SLAMF6: variants seen among roughly 807,000 people sequenced by gnomAD.
SLAMF6 encodes the protein SLAM family member 6.
SLAMF6 carries 21 observed loss-of-function variants against 38.3 expected under a neutral mutation model. That is an observed-to-expected ratio of 0.55 (90% CI 0.39 to 0.79). The LOEUF (loss-of-function observed/expected upper bound fraction) is 0.79, where lower values mean the gene tolerates loss of function less well. Ranked by LOEUF, SLAMF6 falls within the 30% of genes least tolerant of loss-of-function variation. The pLI is 0.00. For synonymous variants in SLAMF6, 152 were observed against 146.3 expected, an observed-to-expected ratio of 1.04 and a Z score of -0.28; for missense variants, 341 against 385.3, an observed-to-expected ratio of 0.89 and a Z score of 0.96.
At chr1:160,497,568 T>C (rs1653654925) in intron 1 of SLAMF6, among the ~76,000 whole-genome samples, 1 of 152,172 alleles carries the variant, frequency 6.6e-6, no homozygotes, top group African/African-American at 2.4e-5. Flanking sequence ...GTTACATGGG[T>C]ATATCACACC....
intron 1 of SLAMF6, among the ~76,000 whole-genome samples, chr1:160,509,214 T>C (rs1201194373): frequency 6.6e-6 from 1 of 152,250 alleles, no homozygotes; most frequent in Admixed American, 6.5e-5. Flanking sequence ...CGTATGTTTG[T>C]TGTGGCACTA....
intron 1 of SLAMF6, among the ~76,000 whole-genome samples, chr1:160,502,493 G>A (rs189857928): frequency 6.6e-6 from 1 of 152,246 alleles, no homozygotes; most frequent in African/African-American, 2.4e-5. Context: ...ATCTTAGTCA[G>A]CATTGTATTT....
chr1:160,488,144 C>A lies in SLAMF6; in HGVS notation c.879+944G>T, dbSNP rs1161225346. Among the ~76,000 whole-genome samples the A allele has an allele frequency of 5.3e-5, 8 of 150,076 alleles. No homozygotes were observed. The Middle Eastern group carries it at 0.014, about 257-fold the overall frequency. On this transcript the variant is annotated intron_variant, in intron 6 of 7. Coordinates refer to ENST00000368057, the MANE Select transcript of SLAMF6 (RefSeq NM_001184714.2). Reference sequence around the variant, plus strand: ...AACAAACCAACAAAAAACAAAAAAACCTCAAACTCTCCAAAGCACATTTTT... The same window carrying A: ...AACAAACCAACAAAAAACAAAAAAAACTCAAACTCTCCAAAGCACATTTTT...
intron 1 of SLAMF6, among the ~76,000 whole-genome samples, chr1:160,518,378 C>A (rs1654839408): frequency 6.6e-6 from 1 of 152,168 alleles, no homozygotes; most frequent in African/African-American, 2.4e-5. Flanking sequence ...GGCAGAAAGA[C>A]AATTTGACCC....
At chr1:160,487,727 C>T (rs1168614913) in intron 6 of SLAMF6, among the ~76,000 whole-genome samples, 1 of 152,090 alleles carries the variant, frequency 6.6e-6, no homozygotes, top group African/African-American at 2.4e-5. Context: ...AGCAGAAGTC[C>T]CTACGGCCCT....
intron 1 of SLAMF6, among the ~76,000 whole-genome samples, chr1:160,515,318 C>G (rs911314115): frequency 1.3e-5 from 2 of 152,054 alleles, no homozygotes; most frequent in African/African-American, 4.8e-5. Flanking sequence ...CAGGAGGAAG[C>G]TGAATCCCTG....
intron 1 of SLAMF6, among the ~76,000 whole-genome samples, chr1:160,522,725 A>T (rs1324735): frequency 0.98 from 149,656 of 152,170 alleles, 73,601 homozygotes; most frequent in East Asian, 1. Flanking sequence ...GTTTTTAATA[A>T]TTTAGATGAG....
intron 2 of SLAMF6, 78 bp from the exon 3 acceptor site, chr1:160,491,466 TCAA>T: frequency 6.5e-7 from 1 of 1,539,636 alleles, no homozygotes; most frequent in South Asian, 1.3e-5. Flanking sequence ...ATCCTTCACC[TCAA>T]TGTTTTGTAT....
intron 1 of SLAMF6, among the ~76,000 whole-genome samples, chr1:160,512,252 A>C (rs1654508157): frequency 6.6e-6 from 1 of 152,162 alleles, no homozygotes; most frequent in Non-Finnish European, 1.5e-5. Context: ...CTGTGGCCAG[A>C]CTGCATCTTT....
intron 1 of SLAMF6, among the ~76,000 whole-genome samples, chr1:160,501,300 T>C (rs951770475): frequency 6.6e-6 from 1 of 152,218 alleles, no homozygotes; most frequent in African/African-American, 2.4e-5. Context: ...AATGAGTAGT[T>C]AGTTCTGATG....
intron 1 of SLAMF6, among the ~76,000 whole-genome samples, chr1:160,497,199 CAT>C (rs1653632933): frequency 6.6e-6 from 1 of 152,138 alleles, no homozygotes; most frequent in Admixed American, 6.6e-5. Flanking sequence ...CAAAGTAACA[CAT>C]GATGGCCACA....
At chr1:160,490,743 T>G in intron 3 of SLAMF6, 58 bp from the exon 4 acceptor site, 1 of 1,589,282 alleles carries the variant, frequency 6.3e-7, no homozygotes, top group Middle Eastern at 1.7e-4. Context: ...CCACTGTTCT[T>G]GGAGCCTCCG....
chr1:160,506,530 T>G (rs978809940), intron 1 of SLAMF6, among the ~76,000 whole-genome samples: 3 of 152,180 alleles, frequency 2.0e-5, no homozygotes, highest in African/African-American at 7.2e-5. Flanking sequence ...AAAGGGAATC[T>G]TTCAGGCTGA....
intron 1 of SLAMF6, among the ~76,000 whole-genome samples, chr1:160,517,892 G>A (rs542739391): frequency 2.4e-4 from 37 of 151,878 alleles, no homozygotes; most frequent in Non-Finnish European, 4.9e-4. Context: ...AAGAAAAATA[G>A]ATAATGCATG....
chr1:160,505,025 G>T (rs1359157874), intron 1 of SLAMF6, among the ~76,000 whole-genome samples: 3 of 151,806 alleles, frequency 2.0e-5, no homozygotes, highest in Admixed American at 1.3e-4. Context: ...GACAAGCACA[G>T]AATTTATTTA....
chr1:160,498,913 C>T (rs903080148), intron 1 of SLAMF6, among the ~76,000 whole-genome samples: 4 of 151,770 alleles, frequency 2.6e-5, no homozygotes, highest in Admixed American at 1.3e-4. Flanking sequence ...TGGGGTTATT[C>T]GTCTTTTTGC....
At chr1:160,496,539 T>G in intron 1 of SLAMF6, 146 bp from the exon 2 acceptor site, 1 of 770,904 alleles carries the variant, frequency 1.3e-6, no homozygotes. Context: ...GGGTAGGAGA[T>G]GTTTCTAAAT....
chr1:160,498,377 T>C (rs1653706937), intron 1 of SLAMF6, among the ~76,000 whole-genome samples: 1 of 152,156 alleles, frequency 6.6e-6, no homozygotes, highest in Non-Finnish European at 1.5e-5. Flanking sequence ...TCAAGACTAG[T>C]AATTTATAAA....
chr1:160,503,498 G>A (rs963261668), intron 1 of SLAMF6, among the ~76,000 whole-genome samples: 1 of 152,120 alleles, frequency 6.6e-6, no homozygotes, highest in African/African-American at 2.4e-5. Context: ...CAGGAACAGG[G>A]AAAGAAGGTG....
Sources: allele counts gnomAD v4.1 joint callset (sites outside exome capture counted in the v4.1 genomes callset), GRCh38; gene constraint gnomAD v4.1.1; transcripts MANE v1.5; gene names NCBI Gene and HGNC (gene_info 2026-07-23, HGNC 2026-07-21).